The following APTX variants were observed in gnomAD, a reference collection of about 807,000 sequenced individuals.
APTX encodes aprataxin.
APTX carries 33 observed loss-of-function variants against 42.3 expected under a neutral mutation model. That is an observed-to-expected ratio of 0.78 (90% CI 0.59 to 1.04). The LOEUF is 1.04. Ranked by LOEUF, APTX falls within the 50% of genes least tolerant of loss-of-function variation. The pLI, the probability that APTX is intolerant of heterozygous loss-of-function variation, is 0.00. For synonymous variants in APTX, 130 were observed against 146.7 expected, an observed-to-expected ratio of 0.89 and a Z score of 0.82; for missense variants, 421 against 415.1, an observed-to-expected ratio of 1.01 and a Z score of -0.12.
At chr9:33,016,319 A>G (rs931286386) in intron 1 of APTX, 3 of 152,212 alleles carry the variant, frequency 2.0e-5, no homozygotes, top group African/African-American at 7.2e-5. Context: ...ACTCAATTTT[A>G]GCTTTTTTTC....
At chr9:32,975,391 T>C (rs955497153) in intron 6 of APTX, among the ~76,000 whole-genome samples, 2 of 152,224 alleles carry the variant, frequency 1.3e-5, no homozygotes, top group Non-Finnish European at 2.9e-5. Context: ...TTAATTTTAT[T>C]ATTCTTAAAT....
Position 32,973,390 on chromosome 9 carries a change from G to A in APTX, c.*108C>T, listed in dbSNP as rs758743193. The A allele has an allele frequency of 7.0e-6, 9 of 1,290,906 alleles. No homozygotes were observed. Among genetic ancestry groups the A allele is most frequent in the Non-Finnish European group, 7.8e-6 (7 of 892,322 alleles). 80.0% of individuals were successfully genotyped at this position (1,290,906 alleles called of 1,614,324 possible). On this transcript the variant is annotated 3_prime_UTR_variant, in exon 8 of 8. Transcript: ENST00000379817. ...AATAGAATAAATTTGTGAAAAAGCT[G>A]CATGTTTTAATTTAGGAAATGAGTA... is the stretch of plus-strand genomic sequence containing the variant.
chr9:32,996,372 C>T (rs10813918), intron 1 of APTX, among the ~76,000 whole-genome samples: 88,006 of 151,288 alleles, frequency 0.58, 25,849 homozygotes, highest in East Asian at 0.73. Context: ...CTTCCTTGGG[C>T]TAAAGTGGTC....
chr9:33,009,375 T>C (rs1017018325), intron 1 of APTX, among the ~76,000 whole-genome samples: 2 of 152,146 alleles, frequency 1.3e-5, no homozygotes, highest in Non-Finnish European at 2.9e-5. Flanking sequence ...TTCCTACCCT[T>C]TCCCCCACCC....
intron 5 of APTX, 87 bp from the exon 6 acceptor site, chr9:32,984,944 T>A: frequency 8.0e-7 from 1 of 1,243,180 alleles, no homozygotes; most frequent in Non-Finnish European, 1.2e-6. Context: ...GTCACTTAAT[T>A]CCCACAGTCT....
upstream of APTX, among the ~76,000 whole-genome samples, chr9:33,005,204 T>C (rs540621422): frequency 6.6e-6 from 1 of 152,280 alleles, no homozygotes; most frequent in East Asian, 1.9e-4. Context: ...ATAGGGTGCT[T>C]TTCACTCTGC....
intron 1 of APTX, among the ~76,000 whole-genome samples, chr9:33,021,129 CAAAA>C (rs11384877): frequency 1.9e-5 from 2 of 107,526 alleles, no homozygotes; most frequent in African/African-American, 3.7e-5. Context: ...AACTCTGTCT[CAAAA>C]AAAAAAAAAA....
intron 1 of APTX, among the ~76,000 whole-genome samples, chr9:33,016,428 A>G (rs1837904178): frequency 6.6e-6 from 1 of 152,210 alleles, no homozygotes; most frequent in African/African-American, 2.4e-5. Context: ...TCCAGTTTAC[A>G]AAAAAGACAG....
In APTX at chr9:33,001,564, T is replaced by C. The variant is rs1371133908; in HGVS notation, c.-5+3A>G. 8 of 1,613,942 alleles carry C rather than the reference T, an allele frequency of 5.0e-6. No homozygotes were observed. The highest frequency in any genetic ancestry group is 4.5e-5 in the East Asian group (2 of 44,876). On this transcript the variant is annotated splice_donor_region_variant and intron_variant, in intron 1 of 7. Coordinates refer to ENST00000379817, the MANE Select transcript of APTX (RefSeq NM_001195248.2). Reference sequence around the variant, plus strand: ...AGAAGAGATAGGCTGACGACCGCCTTACCTCCAGAAGTCGGAGACGGACAA... The same window carrying C: ...AGAAGAGATAGGCTGACGACCGCCTCACCTCCAGAAGTCGGAGACGGACAA...
chr9:33,019,250 G>A (rs150819454), intron 1 of APTX, among the ~76,000 whole-genome samples: 68 of 152,130 alleles, frequency 4.5e-4, no homozygotes, highest in Non-Finnish European at 8.1e-4. Flanking sequence ...GTGGTGAGTG[G>A]GGGTAGGAAT....
chr9:32,987,497 A>G lies in APTX; in HGVS notation c.483+47T>C, dbSNP rs552077210. 28 of 1,607,512 alleles carry G rather than the reference A, an allele frequency of 1.7e-5. No individual in the cohort carries two copies. In the East Asian group the frequency reaches 5.3e-4, roughly 31 times the overall value. ...TGTACAAAACAATTAAGCAGTCATT[A>G]TATTTCATTTCTTCTCCACATCATC... On this transcript the variant is annotated intron_variant, in intron 4 of 7. Coordinates refer to ENST00000379817, the MANE Select transcript of APTX (RefSeq NM_001195248.2).
intron 1 of APTX, among the ~76,000 whole-genome samples, chr9:33,020,374 G>A (rs2119315878): frequency 6.6e-6 from 1 of 152,226 alleles, no homozygotes; most frequent in East Asian, 1.9e-4. Context: ...GACTCTACCT[G>A]AAGACTTTAC....
At chr9:33,001,540 G>T (rs369791021) in intron 1 of APTX, 27 bp downstream of exon 1, 2 of 1,613,626 alleles carry the variant, frequency 1.2e-6, no homozygotes, top group African/African-American at 2.7e-5. Flanking sequence ...CCAGCCAGCA[G>T]AAGAGATAGG....
upstream of APTX, among the ~76,000 whole-genome samples, chr9:33,006,469 T>G (rs989964146): frequency 5.3e-5 from 8 of 152,262 alleles, no homozygotes; most frequent in African/African-American, 1.9e-4. Flanking sequence ...ATTTTGAGAC[T>G]CCTGCTCTAA....
Position 32,974,354 on chromosome 9 carries a change from C to T in APTX, c.874+104G>A. ...GCTTTATAGGGAACACAAAGTTGTA[C>T]ATAGGTTTTTGAGGTCAGACTGTTA... On this transcript the variant is annotated intron_variant, in intron 7 of 7. Transcript: ENST00000379817. The T allele has an allele frequency of 3.8e-6, 3 of 780,004 alleles. No individual in the cohort carries two copies. The South Asian group carries it at 4.3e-5, about 11-fold the overall frequency. 48.3% of individuals were successfully genotyped at this position (780,004 alleles called of 1,614,324 possible).
chr9:32,985,960 T>A lies in APTX; in HGVS notation c.543+11A>T. ...ATGAAATGTACTGAAATTCCAAAAT[T>A]GTATTCTGACCTGCATTTTGGGGTC... On this transcript the variant is annotated intron_variant, in intron 5 of 7. Transcript: ENST00000379817. 6.2e-7 allele frequency: 1 copy of A among 1,607,684 alleles called. No homozygotes were observed. Among genetic ancestry groups the A allele is most frequent in the Non-Finnish European group, 8.5e-7 (1 of 1,178,714 alleles).
At chr9:32,999,853 G>T (rs958353564) in intron 1 of APTX, among the ~76,000 whole-genome samples, 3 of 152,194 alleles carry the variant, frequency 2.0e-5, no homozygotes, top group Non-Finnish European at 2.9e-5. Flanking sequence ...GTAGACGCCT[G>T]TAGTCCTGAG....
chr9:32,998,960 T>C (rs530460385), intron 1 of APTX, among the ~76,000 whole-genome samples: 1 of 151,868 alleles, frequency 6.6e-6, no homozygotes, highest in East Asian at 1.9e-4. Context: ...CACCCAACAT[T>C]TTAGGGAAGG....
At chr9:32,995,513 T>C (rs535024579) in intron 1 of APTX, among the ~76,000 whole-genome samples, 2 of 151,816 alleles carry the variant, frequency 1.3e-5, no homozygotes, top group South Asian at 2.1e-4. Flanking sequence ...GGATGAGGAG[T>C]TGCTTCTTAT....
Sources: allele counts gnomAD v4.1 joint callset (sites outside exome capture counted in the v4.1 genomes callset), GRCh38; gene constraint gnomAD v4.1.1; transcripts MANE v1.5; gene names NCBI Gene and HGNC (gene_info 2026-07-23, HGNC 2026-07-21).